Variants in SORCS3 observed in about 807,000 individuals in gnomAD.
SORCS3 encodes sortilin related VPS10 domain containing receptor 3, also known as VPS10 domain-containing receptor SorCS3.
In SORCS3, 57 loss-of-function variants were observed where a neutral mutation model predicts 146.3. The observed-to-expected ratio is 0.39, with a 90% CI of 0.31 to 0.49. The LOEUF is 0.49. Among genes scored for constraint, SORCS3 ranks in the 20% least tolerant of loss-of-function variants. The probability of loss-of-function intolerance (pLI) is 0.92; values close to 1 mark genes in which losing one functional copy is unlikely to be tolerated. For missense variants in SORCS3, 1,341 were observed against 1,575.5 expected (o/e 0.85, Z 2.52); for synonymous variants, 653 against 618.5 (o/e 1.06, Z -0.83).
chr10:104,834,465 G>A (rs2018042780), intron 1 of SORCS3, among the ~76,000 whole-genome samples: 2 of 152,072 alleles, frequency 1.3e-5, no homozygotes, highest in African/African-American at 4.8e-5. Flanking sequence ...AGAGCACCAT[G>A]TGACTTCTTC....
chr10:105,222,425 T>C (rs1054659024), intron 19 of SORCS3, among the ~76,000 whole-genome samples: 1 of 152,158 alleles, frequency 6.6e-6, no homozygotes, highest in Non-Finnish European at 1.5e-5. Flanking sequence ...TCCTCACTTA[T>C]TGCCTAGGGT....
intron 1 of SORCS3, among the ~76,000 whole-genome samples, chr10:104,796,842 G>C (rs577464311): frequency 5.9e-5 from 9 of 152,320 alleles, no homozygotes; most frequent in Middle Eastern, 3.4e-3. Flanking sequence ...CTGGTTGTCA[G>C]TTCATTAAAT....
intron 1 of SORCS3, among the ~76,000 whole-genome samples, chr10:104,660,959 T>C (rs542364335): frequency 1.8e-4 from 28 of 152,358 alleles, no homozygotes; most frequent in Non-Finnish European, 3.2e-4. Flanking sequence ...GGAGGGGCAA[T>C]TGGGGAGAGC....
At chr10:104,981,847 C>T (rs933183352) in intron 4 of SORCS3, among the ~76,000 whole-genome samples, 1 of 152,078 alleles carries the variant, frequency 6.6e-6, no homozygotes, top group Non-Finnish European at 1.5e-5. Flanking sequence ...CTCTCTAATA[C>T]CGTTTATATT....
At chr10:104,730,506 G>A (rs1045157030) in intron 1 of SORCS3, among the ~76,000 whole-genome samples, 3 of 152,200 alleles carry the variant, frequency 2.0e-5, no homozygotes, top group Non-Finnish European at 4.4e-5. Context: ...CCACTGACCA[G>A]ATAGGACATC....
At chr10:105,179,481 C>T (rs937508290) in intron 14 of SORCS3, among the ~76,000 whole-genome samples, 4 of 152,138 alleles carry the variant, frequency 2.6e-5, no homozygotes, top group Non-Finnish European at 5.9e-5. Flanking sequence ...GTTTTATTTT[C>T]TTATCAAGAT....
intron 2 of SORCS3, among the ~76,000 whole-genome samples, chr10:104,860,606 A>G (rs1220048411): frequency 6.6e-6 from 1 of 152,136 alleles, no homozygotes; most frequent in Non-Finnish European, 1.5e-5. Flanking sequence ...AATGAAAACA[A>G]CAACAGCAGC....
chr10:104,762,272 C>G (rs1044450839), intron 1 of SORCS3, among the ~76,000 whole-genome samples: 3 of 152,174 alleles, frequency 2.0e-5, no homozygotes, highest in African/African-American at 7.2e-5. Context: ...TCAATGTTCT[C>G]TAGGTGGAGG....
intron 7 of SORCS3, among the ~76,000 whole-genome samples, chr10:105,121,628 C>A (rs2055933886): frequency 6.6e-6 from 1 of 152,202 alleles, no homozygotes; most frequent in Admixed American, 6.5e-5. Context: ...CAAAGACTTG[C>A]TCCATTCCCT....
intron 13 of SORCS3, among the ~76,000 whole-genome samples, chr10:105,174,377 A>C (rs868090713): frequency 3.9e-5 from 6 of 152,150 alleles, no homozygotes; most frequent in Non-Finnish European, 7.4e-5. Flanking sequence ...GATACCATTC[A>C]ATATAGAATT....
At chr10:105,242,356 AT>A (rs2056829834) in intron 20 of SORCS3, among the ~76,000 whole-genome samples, 1 of 124,434 alleles carries the variant, frequency 8.0e-6, no homozygotes, top group Admixed American at 9.8e-5. Context: ...TTATACATAT[AT>A]TTATATATAT....
At chr10:105,241,412 G>T (rs1039038034) in intron 20 of SORCS3, among the ~76,000 whole-genome samples, 1 of 152,250 alleles carries the variant, frequency 6.6e-6, no homozygotes, top group African/African-American at 2.4e-5. Context: ...CCCAGAGGGG[G>T]TGTTAGAGTG....
At chr10:104,816,171 G>T (rs537771461) in intron 1 of SORCS3, among the ~76,000 whole-genome samples, 2 of 152,280 alleles carry the variant, frequency 1.3e-5, no homozygotes, top group African/African-American at 2.4e-5. Context: ...TCCCTGGCAG[G>T]TCTGGGCCAG....
chr10:104,988,791 C>T (rs2054976694), intron 4 of SORCS3, among the ~76,000 whole-genome samples: 1 of 152,102 alleles, frequency 6.6e-6, no homozygotes, highest in Admixed American at 6.5e-5. Flanking sequence ...AAAGAGAAGA[C>T]AATTTGTCAA....
At chr10:104,669,890 TTC>T (rs1184882430) in intron 1 of SORCS3, among the ~76,000 whole-genome samples, 5 of 149,332 alleles carry the variant, frequency 3.3e-5, no homozygotes, top group African/African-American at 5.0e-5. Context: ...CACCAACACT[TTC>T]TGTTTTTTTT....
intron 1 of SORCS3, among the ~76,000 whole-genome samples, chr10:104,648,857 G>A (rs1230503733): frequency 6.6e-6 from 1 of 152,160 alleles, no homozygotes; most frequent in African/African-American, 2.4e-5. Flanking sequence ...TTCTGCTATT[G>A]AGTGCATGCA....
At position 105,263,385 on chromosome 10, in the gene SORCS3, C is replaced by A. The variant is rs376685856; in HGVS notation, c.*11C>A. On this transcript the variant is annotated 3_prime_UTR_variant, in exon 27 of 27. Coordinates refer to ENST00000369701, the MANE Select transcript of SORCS3 (RefSeq NM_014978.3). Reference sequence around the variant, plus strand: ...TGCACTAGTGTTTAATACCAGCAAGCCACGTGGTCAACCACCTTTCTGACT... The same window carrying A: ...TGCACTAGTGTTTAATACCAGCAAGACACGTGGTCAACCACCTTTCTGACT... 6.2e-7 allele frequency: 1 copy of A among 1,613,516 alleles called. No individual in the cohort carries two copies. Among genetic ancestry groups the A allele is most frequent in the Non-Finnish European group, 8.5e-7 (1 of 1,179,512 alleles).
At chr10:104,862,969 A>C (rs368739979) in intron 2 of SORCS3, among the ~76,000 whole-genome samples, 36 of 152,354 alleles carry the variant, frequency 2.4e-4, no homozygotes, top group East Asian at 1.9e-3. Context: ...AAAATTGTCG[A>C]GGAAGCTGTG....
chr10:104,792,836 T>A (rs1298922158), intron 1 of SORCS3, among the ~76,000 whole-genome samples: 1 of 152,142 alleles, frequency 6.6e-6, no homozygotes, highest in African/African-American at 2.4e-5. Context: ...TGTGGGAGTC[T>A]CATTCTTCCT....
Sources: gnomAD v4.1 joint callset for allele counts (sites outside exome capture counted in the v4.1 genomes callset) on GRCh38, gnomAD v4.1.1 for gene constraint, MANE v1.5 for transcripts, NCBI Gene and HGNC (gene_info 2026-07-23, HGNC 2026-07-21) for gene names.